HSPA14: variants seen among roughly 807,000 people sequenced by gnomAD.
The protein encoded by HSPA14 is heat shock 70 kDa protein 14.
HSPA14 carries 37 observed loss-of-function variants against 65.5 expected under a neutral mutation model. That is an observed-to-expected ratio of 0.56 (90% CI 0.43 to 0.74). The LOEUF (loss-of-function observed/expected upper bound fraction) is 0.74. HSPA14 is among the 30% of genes least tolerant of loss of function. HSPA14 has a pLI of 0.00. For missense variants in HSPA14, 564 were observed against 607.6 expected, an observed-to-expected ratio of 0.93 and a Z score of 0.75; for synonymous variants, 203 against 214.2, an observed-to-expected ratio of 0.95 and a Z score of 0.46.
At chr10:14,838,516 C>T in intron 1 of HSPA14, 57 bp downstream of exon 1, 3 of 1,499,424 alleles carry the variant, frequency 2.0e-6, no homozygotes, top group Non-Finnish European at 2.7e-6. Flanking sequence ...TTTTCTGGCG[C>T]TGGGTCATCC....
intron 3 of HSPA14, chr10:14,845,569 C>A: frequency 2.1e-6 from 2 of 961,284 alleles, no homozygotes; most frequent in Non-Finnish European, 2.5e-6. Context: ...TTTCATCAGA[C>A]AAATCACTTG....
At chr10:14,867,346 T>G in intron 11 of HSPA14, 51 bp downstream of exon 11, 3 of 1,272,596 alleles carry the variant, frequency 2.4e-6, no homozygotes, top group Non-Finnish European at 2.3e-6. Context: ...TTTTCTATAC[T>G]TTACATAAAA....
At chr10:14,841,119 T>TA (rs1833966561) in intron 3 of HSPA14, 1 of 152,346 alleles carries the variant, frequency 6.6e-6, no homozygotes, top group African/African-American at 2.4e-5. Context: ...TTCTGTCTCT[T>TA]ACCTGTGTTC....
Position 14,855,866 on chromosome 10 carries a change from C to T in HSPA14, c.916C>T (p.Pro306Ser), listed in dbSNP as rs776109779. Reference sequence around the variant, plus strand: ...AGCAAGATTTGAACTTCTTTGTTCTCCACTTTTTAATAAGTGTATAGAAGC... The same window carrying T: ...AGCAAGATTTGAACTTCTTTGTTCTTCACTTTTTAATAAGTGTATAGAAGC... ...SRARFELLCS[P>S]LFNKCIEAIR... Residue 306 changes from proline (P) to serine (S), a missense_variant, in exon 10 of 14, where the codon CCA (proline) becomes TCA (serine). Coordinates refer to ENST00000378372, the MANE Select transcript of HSPA14 (RefSeq NM_016299.4). 1.2e-6 allele frequency: 2 copies of T among 1,604,492 alleles called. No homozygotes were observed. Among genetic ancestry groups the T allele is most frequent in the Admixed American group, 1.7e-5 (1 of 59,888 alleles).
At chr10:14,844,662 T>A in intron 3 of HSPA14, 1 of 981,136 alleles carries the variant, frequency 1.0e-6, no homozygotes, top group Non-Finnish European at 1.2e-6. Context: ...GCCGCCATTG[T>A]GTGTTACGGT....
intron 10 of HSPA14, among the ~76,000 whole-genome samples, chr10:14,856,957 T>C (rs564629038): frequency 6.6e-6 from 1 of 152,234 alleles, no homozygotes; most frequent in Non-Finnish European, 1.5e-5. Context: ...AAAAGGCAGC[T>C]GTATTTCTAA....
At chr10:14,862,284 T>C (rs1422656989) in intron 10 of HSPA14, among the ~76,000 whole-genome samples, 3 of 151,394 alleles carry the variant, frequency 2.0e-5, no homozygotes, top group Admixed American at 2.0e-4. Flanking sequence ...TGCCTCGGCC[T>C]CCCAAAGTGC....
In HSPA14 at chr10:14,852,634, G is replaced by A. The variant is rs997054659; in HGVS notation, c.734+103G>A. ...TTTAAGTTATCCTGCTGCAAAGGAG[G>A]ATGTGGTTTTTTCATTGCTTGGAAA... On this transcript the variant is annotated intron_variant, in intron 8 of 13. Transcript: ENST00000378372. 31 of 966,898 alleles carry A rather than the reference G, an allele frequency of 3.2e-5. No individual in the cohort carries two copies. In the South Asian group the frequency reaches 5.1e-4, roughly 16 times the overall value. The allele number at this position is 966,898 out of a possible 1,614,324, so 59.9% of individuals were successfully genotyped here. A position where few individuals can be genotyped will look rare whatever the true frequency, so the allele number is the denominator to read the frequency against.
At chr10:14,859,326 C>T (rs536319186) in intron 10 of HSPA14, among the ~76,000 whole-genome samples, 215 of 152,280 alleles carry the variant, frequency 1.4e-3, no homozygotes, top group African/African-American at 4.9e-3. Context: ...TTCACCCTCG[C>T]TTTCTGTGGT....
intron 5 of HSPA14, 126 bp from the exon 6 acceptor site, chr10:14,849,595 G>A (rs1220052807): frequency 7.9e-6 from 6 of 755,224 alleles, no homozygotes; most frequent in Non-Finnish European, 1.4e-5. Context: ...ACACGGGGGC[G>A]GGGTGGGCAA....
At chr10:14,844,131 C>T (rs1834012925) in intron 3 of HSPA14, 1 of 1,339,328 alleles carries the variant, frequency 7.5e-7, no homozygotes. Flanking sequence ...ACGTTCTAGA[C>T]AGCTGGTTCA....
chr10:14,843,665 A>C, intron 3 of HSPA14: 1 of 1,548,176 alleles, frequency 6.5e-7, no homozygotes, highest in Non-Finnish European at 8.7e-7. Context: ...GAGTTGGCAG[A>C]AAACAGGCGA....
chr10:14,842,632 T>C lies in HSPA14; in HGVS notation c.221+2475T>C. ...CAGACAACTTAATGGAGGATGCTGC[T>C]TGGGCCAAGCACTGTGATCAGAACT... On this transcript the variant is annotated intron_variant, in intron 3 of 13. Coordinates refer to ENST00000378372, the MANE Select transcript of HSPA14 (RefSeq NM_016299.4). The surrounding 1 kb of genome is among the most constrained non-coding windows in gnomAD (Gnocchi z 5.2). 1 of 1,536,192 alleles carries C rather than the reference T, an allele frequency of 6.5e-7. No individual in the cohort carries two copies. Among genetic ancestry groups the C allele is most frequent in the Non-Finnish European group, 8.7e-7 (1 of 1,146,942 alleles).
intron 6 of HSPA14, among the ~76,000 whole-genome samples, 195 bp downstream of exon 6, chr10:14,850,006 T>TGTAA (rs1276385672): frequency 6.6e-6 from 1 of 152,164 alleles, no homozygotes; most frequent in Non-Finnish European, 1.5e-5. Flanking sequence ...GGTTCACGCC[T>TGTAA]GTAATCCCAA....
intron 9 of HSPA14, 112 bp downstream of exon 9, chr10:14,854,392 C>T: frequency 1.2e-6 from 1 of 819,950 alleles, no homozygotes; most frequent in South Asian, 1.9e-5. Flanking sequence ...TATCAACCAT[C>T]TATAATGTCT....
intron 10 of HSPA14, among the ~76,000 whole-genome samples, chr10:14,857,962 A>G (rs1588815582): frequency 6.6e-6 from 1 of 151,260 alleles, no homozygotes; most frequent in Non-Finnish European, 1.5e-5. Flanking sequence ...GAAGGCTGGG[A>G]GGCGGATTGT....
At chr10:14,843,138 G>A (rs1833996696) in intron 3 of HSPA14, among the ~76,000 whole-genome samples, 1 of 152,164 alleles carries the variant, frequency 6.6e-6, no homozygotes, top group Admixed American at 6.5e-5. Flanking sequence ...GTCTAGAGTG[G>A]GTTGGATAGC....
chr10:14,860,727 A>G (rs1239484643), intron 10 of HSPA14, among the ~76,000 whole-genome samples: 3 of 152,186 alleles, frequency 2.0e-5, no homozygotes, highest in African/African-American at 7.2e-5. Flanking sequence ...AGGAGTGCTC[A>G]GGCCTCAGTG....
intron 10 of HSPA14, among the ~76,000 whole-genome samples, chr10:14,863,517 A>G (rs959550430): frequency 9.9e-5 from 15 of 152,218 alleles, no homozygotes; most frequent in African/African-American, 3.6e-4. Flanking sequence ...TGTCTATCAT[A>G]AACTGAGTGT....
Sources: allele counts gnomAD v4.1 joint callset (sites outside exome capture counted in the v4.1 genomes callset), GRCh38; gene constraint gnomAD v4.1.1; non-coding constraint Gnocchi (gnomAD v3.1); transcripts MANE v1.5; gene names NCBI Gene and HGNC (gene_info 2026-07-23, HGNC 2026-07-21).